The following SEL1L variants were observed in gnomAD, a reference collection of about 807,000 sequenced individuals.
SEL1L encodes SEL1L adaptor subunit of SYVN1 ubiquitin ligase, also known as protein sel-1 homolog 1.
In SEL1L, 52 loss-of-function variants were observed where a neutral mutation model predicts 109.8. The observed-to-expected ratio is 0.47, with a 90% CI of 0.38 to 0.60. The LOEUF (loss-of-function observed/expected upper bound fraction) is 0.60. Among genes scored for constraint, SEL1L ranks in the 20% least tolerant of loss-of-function variants. SEL1L has a pLI of 0.00. For synonymous variants in SEL1L, 373 were observed against 339.6 expected (o/e 1.10, Z -1.08); for missense variants, 749 against 962.2 (o/e 0.78, Z 2.93).
At position 81,487,891 on chromosome 14, in the gene SEL1L, C is replaced by T. The variant is rs767886962; in HGVS notation, c.1447G>A (p.Val483Met). ...GAACCAAGCTGTAGCTGCCCATCCA[C>T]CCAGCCTTGTTCAGCAGCTTTCTGG... ...YFQKAAEQGW[V>M]DGQLQLGSMY... The change falls in exon 15 of 21, where the codon GTG becomes ATG. Residue 483 changes from valine (V) to methionine (M), a missense_variant. Transcript: ENST00000336735. The T allele has an allele frequency of 1.2e-6, 2 of 1,613,790 alleles. No individual in the cohort carries two copies. Among genetic ancestry groups the T allele is most frequent in the African/African-American group, 1.3e-5 (1 of 74,892 alleles).
At chr14:81,529,935 T>C (rs1885261102) in intron 1 of SEL1L, among the ~76,000 whole-genome samples, 1 of 152,204 alleles carries the variant, frequency 6.6e-6, no homozygotes, top group Admixed American at 6.5e-5. Flanking sequence ...AACACAGATA[T>C]CAAGCAACAA....
At chr14:81,496,202 T>C (rs367555093) in intron 10 of SEL1L, among the ~76,000 whole-genome samples, 124 of 151,486 alleles carry the variant, frequency 8.2e-4, no homozygotes, top group African/African-American at 2.9e-3. Context: ...CGGGTGCCTG[T>C]AGTCCCAGCT....
chr14:81,487,344 T>C, intron 16 of SEL1L, 46 bp downstream of exon 16: 1 of 1,516,262 alleles, frequency 6.6e-7, no homozygotes, highest in Non-Finnish European at 8.8e-7. Flanking sequence ...ACTTTCCTGC[T>C]GGGCAAATCA....
At chr14:81,483,546 G>A (rs578025680) in intron 19 of SEL1L, among the ~76,000 whole-genome samples, 1 of 152,128 alleles carries the variant, frequency 6.6e-6, no homozygotes, top group South Asian at 2.1e-4. Context: ...TAGGGAAACA[G>A]GAAAAGACCT....
At chr14:81,524,023 T>G (rs921067043) in intron 3 of SEL1L, among the ~76,000 whole-genome samples, 1 of 152,168 alleles carries the variant, frequency 6.6e-6, no homozygotes, top group East Asian at 1.9e-4. Context: ...TTCACAACAG[T>G]GCAAAGGAAA....
intron 18 of SEL1L, 98 bp downstream of exon 18, chr14:81,485,574 G>A (rs1903495423): frequency 1.9e-6 from 2 of 1,059,996 alleles, no homozygotes; most frequent in East Asian, 2.4e-5. Context: ...TTACAGGCGT[G>A]AGCCACAGTA....
At chr14:81,477,344 G>A (rs567479252) in intron 20 of SEL1L, among the ~76,000 whole-genome samples, 163 bp from the exon 21 acceptor site, 126 of 93,282 alleles carry the variant, frequency 1.4e-3, no homozygotes, top group Non-Finnish European at 1.4e-3. Flanking sequence ...TGTTTAAAGC[G>A]GTTTTAAAAG....
Position 81,474,990 on chromosome 14 carries a change from T to C in SEL1L, c.*1982A>G, listed in dbSNP as rs2139972792. 1 of 152,276 alleles carries C rather than the reference T, an allele frequency of 6.6e-6. No homozygotes were observed. Among genetic ancestry groups the C allele is most frequent in the Non-Finnish European group, 1.5e-5 (1 of 67,996 alleles). 9.4% of individuals were successfully genotyped at this position (152,276 alleles called of 1,614,324 possible). ...TTGCTAAAGGAAAAATGAGGGTGGA[T>C]GGCAGAAGAAAAAAGTGAAAGTTGG... On this transcript the variant is annotated 3_prime_UTR_variant, in exon 21 of 21. Coordinates refer to ENST00000336735, the MANE Select transcript of SEL1L (RefSeq NM_005065.6).
chr14:81,502,954 T>G (rs1027730397), intron 5 of SEL1L, 71 bp from the exon 6 acceptor site: 29 of 1,218,844 alleles, frequency 2.4e-5, no homozygotes, highest in Middle Eastern at 2.4e-4. Context: ...TTTGATCTAC[T>G]AAAACGCAAC....
rs77287418 is a variant in SEL1L at position 81,518,184 on chromosome 14, C to T, written c.340+8549G>A. On this transcript the variant is annotated intron_variant, in intron 3 of 20. Coordinates refer to ENST00000336735, the MANE Select transcript of SEL1L (RefSeq NM_005065.6). Reference sequence around the variant, plus strand: ...CTGGGATTACAGGCATGAGCCACTGCGCCCGGCTTGGGACGGAACTTCTTG... The same window carrying T: ...CTGGGATTACAGGCATGAGCCACTGTGCCCGGCTTGGGACGGAACTTCTTG... Among the ~76,000 whole-genome samples, 230 of 151,704 alleles carry T rather than the reference C, an allele frequency of 1.5e-3. 2 individuals are homozygous for T. In the Middle Eastern group the frequency reaches 0.02, roughly 13 times the overall value.
At chr14:81,503,006 T>A in intron 5 of SEL1L, 123 bp from the exon 6 acceptor site, 2 of 770,486 alleles carry the variant, frequency 2.6e-6, no homozygotes, top group Non-Finnish European at 2.0e-6. Flanking sequence ...TTGATAATCT[T>A]TTTGAGATGG....
intron 9 of SEL1L, 52 bp from the exon 10 acceptor site, chr14:81,498,098 C>T (rs183684125): frequency 7.7e-6 from 12 of 1,549,826 alleles, no homozygotes; most frequent in South Asian, 1.2e-5. Context: ...AAGAATTGTT[C>T]CAGAGAGAGA....
chr14:81,529,087 GTT>G lies in SEL1L; in HGVS notation c.71-1351_71-1350del, dbSNP rs1266131600. On this transcript the variant is annotated intron_variant, in intron 1 of 20. Coordinates refer to ENST00000336735, the MANE Select transcript of SEL1L (RefSeq NM_005065.6). ...TACTTTTAGATTACCTTCAAAGTAT[GTT>G]TTACTTCTGGCAGGTGGAGAGAAGG... 4.6e-5 allele frequency among the ~76,000 whole-genome samples: 7 copies of G among 152,224 alleles called. No homozygotes were observed. The East Asian group carries it at 1.2e-3, about 25-fold the overall frequency.
At chr14:81,504,118 T>C (rs796863486) in intron 5 of SEL1L, 83 bp downstream of exon 5, 7 of 772,688 alleles carry the variant, frequency 9.1e-6, no homozygotes, top group Non-Finnish European at 1.4e-5. Context: ...TCTCTGGCAG[T>C]GCACTTTTTA....
chr14:81,512,352 G>C (rs1039608496), intron 3 of SEL1L, among the ~76,000 whole-genome samples: 2 of 152,194 alleles, frequency 1.3e-5, no homozygotes, highest in African/African-American at 4.8e-5. Flanking sequence ...CTTTTCAATA[G>C]GACATTTTTT....
At chr14:81,510,643 G>A (rs1443910859) in intron 3 of SEL1L, among the ~76,000 whole-genome samples, 2 of 151,788 alleles carry the variant, frequency 1.3e-5, no homozygotes, top group South Asian at 2.1e-4. Flanking sequence ...ACATAATTTA[G>A]CTTTGCAAAT....
chr14:81,521,304 T>A (rs1244014947), intron 3 of SEL1L, among the ~76,000 whole-genome samples: 1 of 152,194 alleles, frequency 6.6e-6, no homozygotes, highest in African/African-American at 2.4e-5. Flanking sequence ...CTTTCATTTC[T>A]GGGTCAAGAA....
rs1282498024 is a variant in SEL1L, at chr14:81,476,922, A to G, written c.*50T>C. The G allele has an allele frequency of 2.5e-6, 4 of 1,586,010 alleles. No homozygotes were observed. Among genetic ancestry groups the G allele is most frequent in the Non-Finnish European group, 3.5e-6 (4 of 1,158,516 alleles). On this transcript the variant is annotated 3_prime_UTR_variant, in exon 21 of 21. Transcript: ENST00000336735. The stretch of plus-strand genomic sequence containing the variant: ...TCCTAAATCAAATGCAAGTGTTCCC[A>G]GCAGATAACTTCCTTCGCTGTCACT...
At chr14:81,493,487 G>C (rs937405581) in intron 11 of SEL1L, among the ~76,000 whole-genome samples, 1 of 151,308 alleles carries the variant, frequency 6.6e-6, no homozygotes, top group African/African-American at 2.4e-5. Context: ...TCCAGCTTGG[G>C]TAACAGAGTG....
Sources: gnomAD v4.1 joint callset for allele counts (sites outside exome capture counted in the v4.1 genomes callset) on GRCh38, gnomAD v4.1.1 for gene constraint, MANE v1.5 for transcripts, NCBI Gene and HGNC (gene_info 2026-07-23, HGNC 2026-07-21) for gene names.